TRAPPC3: variants seen among roughly 807,000 people sequenced by gnomAD.
TRAPPC3 encodes trafficking protein particle complex 3.
Under a neutral mutation model 18.2 loss-of-function variants are expected in TRAPPC3, and 5 were observed. The observed-to-expected ratio is 0.28, with a 90% CI of 0.14 to 0.58. The LOEUF (loss-of-function observed/expected upper bound fraction) is 0.58. Ranked by LOEUF, TRAPPC3 falls within the 20% of genes least tolerant of loss-of-function variation. The pLI is 0.91. For synonymous variants in TRAPPC3, 65 were observed against 84.2 expected, an observed-to-expected ratio of 0.77 and a Z score of 1.25; for missense variants, 176 against 225.9, an observed-to-expected ratio of 0.78 and a Z score of 1.41.
At chr1:36,155,212 C>T (rs1016463302) in intron 1 of TRAPPC3, among the ~76,000 whole-genome samples, 2 of 152,232 alleles carry the variant, frequency 1.3e-5, no homozygotes, top group African/African-American at 4.8e-5. Context: ...AACCCAAGTC[C>T]CTGCAGCAGC....
intron 1 of TRAPPC3, among the ~76,000 whole-genome samples, chr1:36,141,807 A>T (rs1465008106): frequency 6.6e-6 from 1 of 151,996 alleles, no homozygotes; most frequent in Non-Finnish European, 1.5e-5. Context: ...AAAATACAAA[A>T]ATTAGCTGGG....
upstream of TRAPPC3, among the ~76,000 whole-genome samples, chr1:36,154,191 G>A (rs1033303222): frequency 6.6e-6 from 1 of 152,146 alleles, no homozygotes; most frequent in Non-Finnish European, 1.5e-5. Context: ...TTTTGGCAGA[G>A]ACAGGGTTTC....
chr1:36,149,689 T>C (rs572767784), upstream of TRAPPC3, among the ~76,000 whole-genome samples: 17 of 152,328 alleles, frequency 1.1e-4, no homozygotes, highest in Admixed American at 5.2e-4. Flanking sequence ...CTGGGCAGCA[T>C]CCTGGCCGCT....
chr1:36,145,890 C>T (rs1342062552), intron 1 of TRAPPC3, among the ~76,000 whole-genome samples: 1 of 152,112 alleles, frequency 6.6e-6, no homozygotes, highest in Non-Finnish European at 1.5e-5. Flanking sequence ...TCTCCTGCCT[C>T]AGCCTCCCGA....
At chr1:36,137,383 G>A in intron 4 of TRAPPC3, 61 bp from the exon 5 acceptor site, 3 of 1,568,592 alleles carry the variant, frequency 1.9e-6, no homozygotes, top group Non-Finnish European at 2.6e-6. Flanking sequence ...GGGAACCAGT[G>A]GGGATGGGGC....
At chr1:36,150,403 C>T (rs572753965), upstream of TRAPPC3, among the ~76,000 whole-genome samples, 1 of 152,348 alleles carries the variant, frequency 6.6e-6, no homozygotes, top group Non-Finnish European at 1.5e-5. Context: ...TAGTCCCTGA[C>T]CACAGCTCTT....
chr1:36,145,941 C>CT lies in TRAPPC3; in HGVS notation c.42+3395dup, dbSNP rs948922657. 1.4e-3 allele frequency among the ~76,000 whole-genome samples: 193 copies of CT among 142,656 alleles called. 1 individual carries two copies. Among genetic ancestry groups the CT allele is most frequent in the African/African-American group, 4.5e-3 (175 of 38,788 alleles). 93.6% of individuals were successfully genotyped at this position (142,656 alleles called of 152,430 possible). ...GGCGGCCGCCACCACGCCCGGCTAA[C>CT]TTTTTTTTTTGTATTTTTAGTAGAG... is the stretch of plus-strand genomic sequence containing the variant. On this transcript the variant is annotated intron_variant, in intron 1 of 4. Coordinates refer to ENST00000373166, the MANE Select transcript of TRAPPC3 (RefSeq NM_014408.5).
At chr1:36,149,525 G>A (rs1570106627), upstream of TRAPPC3, 8 of 1,023,894 alleles carry the variant, frequency 7.8e-6, no homozygotes, top group East Asian at 1.0e-4. Flanking sequence ...GGGGCACCAC[G>A]GGACTAGTGG....
At chr1:36,151,827 T>G (rs1185342199), upstream of TRAPPC3, among the ~76,000 whole-genome samples, 1 of 152,068 alleles carries the variant, frequency 6.6e-6, no homozygotes, top group Non-Finnish European at 1.5e-5. Flanking sequence ...AGACAAAGAC[T>G]CTCTCCTGGG....
intron 1 of TRAPPC3, among the ~76,000 whole-genome samples, chr1:36,146,079 T>C (rs996152268): frequency 2.7e-5 from 4 of 149,038 alleles, no homozygotes; most frequent in African/African-American, 1.0e-4. Context: ...CACCCGGCCT[T>C]TTTATTTTAT....
At chr1:36,147,151 G>T (rs543603849) in intron 1 of TRAPPC3, among the ~76,000 whole-genome samples, 1 of 152,152 alleles carries the variant, frequency 6.6e-6, no homozygotes, top group South Asian at 2.1e-4. Context: ...AGGAGTTTGA[G>T]ACCAACCTGG....
In TRAPPC3 at chr1:36,139,609, T is replaced by C. The variant is rs983951446; in HGVS notation, c.240+111A>G. On this transcript the variant is annotated intron_variant, in intron 3 of 4. Transcript: ENST00000373166. ...TGTTTTTTTGACCCAAAGAGCTGCC[T>C]AGCCAGTCTTTTGGGAGATTAAAGG... The C allele has an allele frequency of 1.0e-5, 15 of 1,445,036 alleles. No individual in the cohort carries two copies. The African/African-American group carries it at 2.0e-4, about 19-fold the overall frequency. The allele number at this position is 1,445,036 out of a possible 1,614,324, so 89.5% of individuals were successfully genotyped here.
In TRAPPC3 at chr1:36,140,124, G is replaced by C; in HGVS notation, c.85C>G (p.Gln29Glu). The C allele has an allele frequency of 6.2e-7, 1 of 1,604,758 alleles. No homozygotes were observed. Among genetic ancestry groups the C allele is most frequent in the South Asian group, 1.1e-5 (1 of 89,166 alleles). Residue 29 changes from glutamine (Q) to glutamate (E), a missense_variant, in exon 2 of 5, where the codon CAG becomes GAG. This residue lies in a region of TRAPPC3 where 147 missense variants were observed against 164.3 expected (regional missense o/e 0.89). Transcript: ENST00000373166. The stretch of plus-strand genomic sequence containing the variant: ...TCATTTTCATAGTCCTTACATAGCT[G>C]GGTGACCAGGGCACCATAGGTCAGG... ...FTLTYGALVT[Q>E]LCKDYENDED...
chr1:36,138,176 A>G, intron 3 of TRAPPC3, 198 bp from the exon 4 acceptor site: 1 of 1,550,944 alleles, frequency 6.4e-7, no homozygotes, highest in Non-Finnish European at 8.7e-7. Flanking sequence ...TCACGGCATC[A>G]TACAGTTTTG....
chr1:36,146,550 C>G (rs4381151), intron 1 of TRAPPC3, among the ~76,000 whole-genome samples: 99,008 of 143,496 alleles, frequency 0.69, 34,493 homozygotes, highest in Non-Finnish European at 0.76. Flanking sequence ...TCCCAAAGTG[C>G]TGGGATTACA....
chr1:36,140,365 A>C, intron 1 of TRAPPC3, 199 bp from the exon 2 acceptor site: 1 of 440,474 alleles, frequency 2.3e-6, no homozygotes, highest in Non-Finnish European at 4.0e-6. Flanking sequence ...ACTACTGCAA[A>C]ATGGGCTGTA....
Position 36,137,989 on chromosome 1 carries a change from A to G in TRAPPC3, c.241-11T>C, listed in dbSNP as rs765726784. ...CATCTTGAACGCCACCTGTCAGGGG[A>G]CACACAACAGCACTTTGGGGAAGAG... On this transcript the variant is annotated splice_polypyrimidine_tract_variant and intron_variant, in intron 3 of 4. Transcript: ENST00000373166. The G allele has an allele frequency of 7.4e-6, 12 of 1,613,252 alleles. No homozygotes were observed. In the East Asian group the frequency reaches 2.7e-4, roughly 36 times the overall value.
At chr1:36,144,235 C>G (rs1171872676) in intron 1 of TRAPPC3, among the ~76,000 whole-genome samples, 1 of 130,756 alleles carries the variant, frequency 7.6e-6, no homozygotes, top group Non-Finnish European at 1.5e-5. Context: ...TTGCGGTAAG[C>G]CAAGATCATG....
chr1:36,152,961 A>G (rs112731596), upstream of TRAPPC3, among the ~76,000 whole-genome samples: 33 of 152,164 alleles, frequency 2.2e-4, no homozygotes, highest in Non-Finnish European at 4.4e-4. Context: ...GGATAGGAAC[A>G]TATTTCTGAT....
Sources: allele counts gnomAD v4.1 joint callset (sites outside exome capture counted in the v4.1 genomes callset), GRCh38; gene constraint gnomAD v4.1.1; regional missense constraint gnomAD v4.1.1; transcripts MANE v1.5; gene names NCBI Gene and HGNC (gene_info 2026-07-23, HGNC 2026-07-21).